Variants in BAAT observed in about 807,000 individuals in gnomAD.
BAAT encodes bile acid-CoA:amino acid N-acyltransferase, also known as bile acid CoA: amino acid N-acyltransferase (glycine N-choloyltransferase).
BAAT carries 13 observed loss-of-function variants against 18.9 expected under a neutral mutation model. The ratio of observed to expected loss-of-function variants is 0.69; its 90% confidence interval spans 0.45 to 1.10. The LOEUF (loss-of-function observed/expected upper bound fraction) is 1.10, where lower values mean the gene tolerates loss of function less well. Ranked by LOEUF, BAAT falls within the 50% of genes least tolerant of loss-of-function variation. The probability of loss-of-function intolerance (pLI) is 0.00; values close to 1 mark genes in which losing one functional copy is unlikely to be tolerated. For missense variants in BAAT, 489 were observed against 504.0 expected, an observed-to-expected ratio of 0.97 and a Z score of 0.28; for synonymous variants, 170 against 190.7, an observed-to-expected ratio of 0.89 and a Z score of 0.89.
intron 1 of BAAT, among the ~76,000 whole-genome samples, chr9:101,382,763 C>G (rs1218293286): frequency 6.6e-6 from 1 of 152,188 alleles, no homozygotes; most frequent in Non-Finnish European, 1.5e-5. Flanking sequence ...CCACCCCTAA[C>G]AATATTATCC....
intron 1 of BAAT, among the ~76,000 whole-genome samples, chr9:101,375,091 CG>C (rs1191928861): frequency 1.3e-5 from 2 of 152,114 alleles, no homozygotes; most frequent in Admixed American, 1.3e-4. Flanking sequence ...AAATGAATCA[CG>C]GGAGTTGTTC....
chr9:101,364,353 C>G (rs369571165), intron 3 of BAAT, among the ~76,000 whole-genome samples: 2 of 152,138 alleles, frequency 1.3e-5, no homozygotes, highest in South Asian at 4.1e-4. Flanking sequence ...CCTGAAACTG[C>G]CAGAGTCATT....
chr9:101,370,229 G>T (rs1829908010), intron 2 of BAAT, among the ~76,000 whole-genome samples: 1 of 151,190 alleles, frequency 6.6e-6, no homozygotes, highest in Non-Finnish European at 1.5e-5. Context: ...GTATGCAGAA[G>T]TCAGATCATA....
At chr9:101,372,868 G>C (rs994827449) in intron 1 of BAAT, among the ~76,000 whole-genome samples, 1 of 152,054 alleles carries the variant, frequency 6.6e-6, no homozygotes, top group Non-Finnish European at 1.5e-5. Flanking sequence ...TGTGTGGATT[G>C]GTTTGATAAA....
At position 101,363,773 on chromosome 9, in the gene BAAT, T is replaced by C. The variant is rs527740800; in HGVS notation, c.670-758A>G. Among the ~76,000 whole-genome samples the C allele has an allele frequency of 7.9e-5, 12 of 152,194 alleles. No homozygotes were observed. The South Asian group carries it at 1.9e-3, about 24-fold the overall frequency. ...ATCAAAGAAAGGCTCTCAGAGGAAA[T>C]GGGCTACAAAACAAATGAGTCTTCG... On this transcript the variant is annotated intron_variant, in intron 3 of 3. Transcript: ENST00000259407.
chr9:101,371,818 T>C (rs1307624437), intron 1 of BAAT, among the ~76,000 whole-genome samples: 1 of 152,074 alleles, frequency 6.6e-6, no homozygotes, highest in African/African-American at 2.4e-5. Flanking sequence ...GGTTTGAAAA[T>C]ATGGTTATTT....
rs185225734 is a variant in BAAT, at chr9:101,363,878, G to A, written c.670-863C>T. On this transcript the variant is annotated intron_variant, in intron 3 of 3. Coordinates refer to ENST00000259407, the MANE Select transcript of BAAT (RefSeq NM_001701.4). ...AACTAAAAAATTAGTTGAATATGGC[G>A]GTGTGTGCCTGTAGGCCCAGCTACT... Among the ~76,000 whole-genome samples, 256 of 152,224 alleles carry A rather than the reference G, an allele frequency of 1.7e-3. 3 individuals are homozygous for A. Among genetic ancestry groups the A allele is most frequent in the East Asian group, 1.2e-3 (6 of 5,182 alleles).
intron 2 of BAAT, among the ~76,000 whole-genome samples, chr9:101,370,183 G>T (rs1226138517): frequency 6.6e-6 from 1 of 152,104 alleles, no homozygotes; most frequent in East Asian, 1.9e-4. Context: ...TCTTCATATA[G>T]CTATAAGATT....
intron 2 of BAAT, 139 bp downstream of exon 2, chr9:101,370,800 G>C: frequency 1.1e-6 from 1 of 949,788 alleles, no homozygotes; most frequent in Non-Finnish European, 1.7e-6. Flanking sequence ...TTTCTGGAGG[G>C]ATAATGCATT....
At chr9:101,369,742 G>A (rs774548209) in intron 2 of BAAT, among the ~76,000 whole-genome samples, 95 of 152,178 alleles carry the variant, frequency 6.2e-4, no homozygotes, top group Non-Finnish European at 1.2e-3. Context: ...AAATTTATCC[G>A]AACAAGTACA....
intron 1 of BAAT, among the ~76,000 whole-genome samples, chr9:101,378,928 C>G (rs555948400): frequency 7.2e-5 from 11 of 152,134 alleles, no homozygotes; most frequent in Non-Finnish European, 1.6e-4. Flanking sequence ...AGGATATAAA[C>G]AGACACTTCT....
intron 1 of BAAT, among the ~76,000 whole-genome samples, chr9:101,373,964 TG>T (rs1829999242): frequency 6.6e-6 from 1 of 152,270 alleles, no homozygotes. Flanking sequence ...TTTTTGGTTT[TG>T]GAGCTATAAA....
At chr9:101,371,924 C>A (rs1300899713) in intron 1 of BAAT, among the ~76,000 whole-genome samples, 2 of 151,890 alleles carry the variant, frequency 1.3e-5, no homozygotes, top group Non-Finnish European at 2.9e-5. Flanking sequence ...AGTTTACCTG[C>A]AACAGAACAT....
chr9:101,375,102 C>T (rs1277276657), intron 1 of BAAT, among the ~76,000 whole-genome samples: 1 of 151,974 alleles, frequency 6.6e-6, no homozygotes, highest in Non-Finnish European at 1.5e-5. Flanking sequence ...GGGAGTTGTT[C>T]CCCCCCATAC....
At chr9:101,382,366 G>A (rs1412432987) in intron 1 of BAAT, among the ~76,000 whole-genome samples, 1 of 152,146 alleles carries the variant, frequency 6.6e-6, no homozygotes, top group East Asian at 1.9e-4. Flanking sequence ...AGATAAGCAT[G>A]CATAAAACTC....
At chr9:101,363,249 G>A (rs1455751095) in intron 3 of BAAT, among the ~76,000 whole-genome samples, 1 of 152,202 alleles carries the variant, frequency 6.6e-6, no homozygotes, top group East Asian at 1.9e-4. Flanking sequence ...GTTAGGTTCT[G>A]AGTTTAAAAT....
At position 101,362,302 on chromosome 9, in the gene BAAT, T is replaced by C; in HGVS notation, c.*126A>G. The C allele has an allele frequency of 1.9e-6, 2 of 1,070,386 alleles. No individual in the cohort carries two copies. The highest frequency in any genetic ancestry group is 2.7e-6 in the Non-Finnish European group (2 of 731,388). 66.3% of individuals were successfully genotyped at this position (1,070,386 alleles called of 1,614,324 possible). A position where few individuals can be genotyped will look rare whatever the true frequency, so the allele number is the denominator to read the frequency against. On this transcript the variant is annotated 3_prime_UTR_variant, in exon 4 of 4. Coordinates refer to ENST00000259407, the MANE Select transcript of BAAT (RefSeq NM_001701.4). ...ATATCAGGTTTTTACCCTATGCTCT[T>C]TTTAATCATTAAAATTAATACAAAA...
chr9:101,378,321 T>C lies in BAAT; in HGVS notation c.-60+6534A>G, dbSNP rs1830079763. Among the ~76,000 whole-genome samples the C allele has an allele frequency of 2.0e-5, 3 of 152,246 alleles. No individual in the cohort carries two copies. The South Asian group carries it at 6.2e-4, about 32-fold the overall frequency. The stretch of plus-strand genomic sequence containing the variant: ...ACTGGAGGCATCATGCTACCTGACT[T>C]CAAACTATACTACAAGGCTACAGTA... On this transcript the variant is annotated intron_variant, in intron 1 of 3. Transcript: ENST00000259407.
At chr9:101,363,563 C>T (rs566828427) in intron 3 of BAAT, among the ~76,000 whole-genome samples, 44 of 151,866 alleles carry the variant, frequency 2.9e-4, no homozygotes, top group African/African-American at 1.0e-3. Flanking sequence ...ATCTATCCTA[C>T]GGCAAGCACT....
Sources: gnomAD v4.1 joint callset for allele counts (sites outside exome capture counted in the v4.1 genomes callset) on GRCh38, gnomAD v4.1.1 for gene constraint, MANE v1.5 for transcripts, NCBI Gene and HGNC (gene_info 2026-07-23, HGNC 2026-07-21) for gene names.